Variants in PFKM observed in about 807,000 individuals in gnomAD.
PFKM encodes the protein ATP-dependent 6-phosphofructokinase, muscle type.
A neutral mutation model predicts 95.5 loss-of-function variants in PFKM; 58 were observed. That is an observed-to-expected ratio of 0.61 (90% CI 0.49 to 0.76). The LOEUF (loss-of-function observed/expected upper bound fraction) is 0.76, where lower values mean the gene tolerates loss of function less well. PFKM is among the 30% of genes least tolerant of loss of function. The pLI is 0.00. For missense variants in PFKM, 678 were observed against 1,005.4 expected, an observed-to-expected ratio of 0.67 and a Z score of 4.40; for synonymous variants, 336 against 357.2, an observed-to-expected ratio of 0.94 and a Z score of 0.67.
upstream of PFKM, among the ~76,000 whole-genome samples, chr12:48,116,954 T>C (rs1033029109): frequency 2.0e-5 from 3 of 152,238 alleles, no homozygotes; most frequent in East Asian, 1.9e-4. Flanking sequence ...ATGTATGTCA[T>C]GTATCTGTTA....
chr12:48,135,928 T>TCTGTTG lies in PFKM; in HGVS notation c.936+546_936+547insTGTTGC, dbSNP rs1555204170. 8.3e-3 allele frequency among the ~76,000 whole-genome samples: 1,259 copies of TCTGTTG among 151,448 alleles called. 13 individuals carry two copies. The highest frequency in any genetic ancestry group is 0.028 in the African/African-American group (1,141 of 41,342). The stretch of plus-strand genomic sequence containing the variant: ...TTTTGAGACGCACCATTGCACTCGC[T>TCTGTTG]CCCAGGCTGGAGTGCAATGGTGCGA... On this transcript the variant is annotated intron_variant, in intron 10 of 22. Transcript: ENST00000359794.
In PFKM at chr12:48,146,091, A is replaced by C. The variant is rs1243828468; in HGVS notation, c.*383A>C. On this transcript the variant is annotated 3_prime_UTR_variant, in exon 23 of 23. Transcript: ENST00000359794. ...AATTGTAACTACACTAATAAATGCC[A>C]ACTGGTCACTGTGCTTTTGCTTCTC... is the stretch of plus-strand genomic sequence containing the variant. 7.5e-6 allele frequency: 2 copies of C among 265,134 alleles called. No homozygotes were observed. The highest frequency in any genetic ancestry group is 4.4e-5 in the African/African-American group (2 of 44,946). 16.4% of individuals were successfully genotyped at this position (265,134 alleles called of 1,614,324 possible). A position where few individuals can be genotyped will look rare whatever the true frequency, so the allele number is the denominator to read the frequency against.
intron 2 of PFKM, among the ~76,000 whole-genome samples, chr12:48,124,111 A>C (rs899809130): frequency 6.6e-6 from 1 of 152,226 alleles, no homozygotes; most frequent in Non-Finnish European, 1.5e-5. Flanking sequence ...TGTTCTTATG[A>C]TACTTATTAG....
At chr12:48,136,692 C>CTTTTTTTTTTT (rs1166389532) in intron 10 of PFKM, among the ~76,000 whole-genome samples, 66 of 63,010 alleles carry the variant, frequency 1.0e-3, no homozygotes, top group Middle Eastern at 0.014. Flanking sequence ...GGGGTCGTCA[C>CTTTTTTTTTTT]TTTTTTTTTT....
chr12:48,106,431 C>T (rs1946618871), intron 1 of PFKM: 4 of 426,012 alleles, frequency 9.4e-6, no homozygotes, highest in Non-Finnish European at 1.7e-5. Context: ...CAGCTTTTCG[C>T]GGTGGCCCTA....
chr12:48,145,656 A>G lies in PFKM; in HGVS notation c.2291A>G (p.His764Arg). ...KYEIDLDTSD[H>R]AHLEHITRKR... is the part of the protein sequence containing the mutation. ...GAGATTGACTTGGACACTTCAGACCATGCCCACCTGGAGCACATCACCCGG... is the reference window on the plus strand; with the variant it reads ...GAGATTGACTTGGACACTTCAGACCGTGCCCACCTGGAGCACATCACCCGG... Residue 764 changes from histidine (H) to arginine (R), a missense_variant, in exon 23 of 23, where the codon CAT (histidine) becomes CGT (arginine). Transcript: ENST00000359794. The surrounding 1 kb of genome is among the most constrained non-coding windows in gnomAD (Gnocchi z 4.3). 1 of 1,614,188 alleles carries G rather than the reference A, an allele frequency of 6.2e-7. No homozygotes were observed. Among genetic ancestry groups the G allele is most frequent in the South Asian group, 1.1e-5 (1 of 91,082 alleles).
At chr12:48,139,993 A>G (rs1313257007) in intron 13 of PFKM, 81 bp downstream of exon 13, 5 of 928,056 alleles carry the variant, frequency 5.4e-6, no homozygotes, top group African/African-American at 1.6e-5. Context: ...CACAGTCCAT[A>G]CAACATAAGC....
chr12:48,105,947 C>T (rs924040372), exon 1 of PFKM: 1 of 691,800 alleles, frequency 1.4e-6, no homozygotes, highest in African/African-American at 1.8e-5. Context: ...CAGCCCGGGC[C>T]GGCTGACCGG....
intron 2 of PFKM, chr12:48,125,640 A>AAT (rs386362985): frequency 5.9e-6 from 1 of 168,256 alleles, no homozygotes; most frequent in East Asian, 1.9e-4. Context: ...AAAAAAAAAA[A>AAT]GATGGGAAGG....
In PFKM at chr12:48,129,210, C is replaced by CTTTTTTTTTTTTTTTTTTTTTT. The variant is rs778761447; in HGVS notation, c.86-1141_86-1120dup. 5.5e-4 allele frequency among the ~76,000 whole-genome samples: 12 copies of CTTTTTTTTTTTTTTTTTTTTTT among 21,980 alleles called. 2 individuals are homozygous for CTTTTTTTTTTTTTTTTTTTTTT. Among genetic ancestry groups the CTTTTTTTTTTTTTTTTTTTTTT allele is most frequent in the Non-Finnish European group, 1.0e-3 (12 of 11,450 alleles). The allele number at this position is 21,980 out of a possible 152,430, so 14.4% of individuals were successfully genotyped here. On this transcript the variant is annotated intron_variant, in intron 2 of 22. Transcript: ENST00000359794. Reference sequence around the variant, plus strand: ...GTTCTGTTTTGTTTTAATTTTCTTTCTTTTTTTTTTTTTTTTTTTTTTTTT... The same window carrying CTTTTTTTTTTTTTTTTTTTTTT: ...GTTCTGTTTTGTTTTAATTTTCTTTCTTTTTTTTTTTTTTTTTTTTTTTTTTTTTTTTTTTTTTTTTTTTTTT...
intron 12 of PFKM, 26 bp from the exon 13 acceptor site, chr12:48,139,823 C>G: frequency 6.6e-7 from 1 of 1,525,534 alleles, no homozygotes; most frequent in African/African-American, 1.4e-5. Flanking sequence ...CCTGAAGACA[C>G]CTCTCTCTAT....
chr12:48,145,394 T>G lies in PFKM; in HGVS notation c.2198+79T>G. On this transcript the variant is annotated intron_variant, in intron 22 of 22. Transcript: ENST00000359794. The surrounding 1 kb of genome is among the most constrained non-coding windows in gnomAD (Gnocchi z 4.3). ...ACTGTCCTCAACCTGTTCACTGTCT[T>G]TAATTCTTTTTTTTTTTTAAGGAGT... 3 of 1,375,050 alleles carry G rather than the reference T, an allele frequency of 2.2e-6. No individual in the cohort carries two copies. Among genetic ancestry groups the G allele is most frequent in the South Asian group, 1.2e-5 (1 of 84,536 alleles). The allele number at this position is 1,375,050 out of a possible 1,614,324, so 85.2% of individuals were successfully genotyped here. A position where few individuals can be genotyped will look rare whatever the true frequency, so the allele number is the denominator to read the frequency against.
intron 5 of PFKM, 73 bp from the exon 6 acceptor site, chr12:48,133,242 C>A: frequency 1.4e-6 from 2 of 1,396,492 alleles, no homozygotes; most frequent in Non-Finnish European, 2.0e-6. Context: ...GAGTTTCTCT[C>A]TCTCTAGATA....
chr12:48,108,791 G>A (rs17122666), intron 3 of PFKM, among the ~76,000 whole-genome samples: 25,212 of 152,126 alleles, frequency 0.17, 2,424 homozygotes, highest in East Asian at 0.24. Context: ...CCCGCTATTT[G>A]CCCAATAATA....
chr12:48,142,368 G>A, intron 17 of PFKM: 3 of 445,010 alleles, frequency 6.7e-6, no homozygotes, highest in Non-Finnish European at 1.2e-5. Context: ...AGCTACTTGG[G>A]AGGCTGAGGC....
chr12:48,114,488 G>A (rs901563318), upstream of PFKM, among the ~76,000 whole-genome samples: 14 of 152,296 alleles, frequency 9.2e-5, no homozygotes, highest in African/African-American at 3.4e-4. Flanking sequence ...AAGGGTTATA[G>A]GGTTGGGGAG....
At chr12:48,123,225 C>T (rs1208985069) in intron 2 of PFKM, among the ~76,000 whole-genome samples, 3 of 152,186 alleles carry the variant, frequency 2.0e-5, no homozygotes, top group South Asian at 4.1e-4. Context: ...TGGGAGGAGA[C>T]CCAGAATTAG....
intron 17 of PFKM, chr12:48,142,484 C>G: frequency 2.2e-6 from 1 of 461,070 alleles, no homozygotes. Flanking sequence ...CCTAGAAATG[C>G]ACCAGTACCC....
intron 3 of PFKM, among the ~76,000 whole-genome samples, chr12:48,111,241 T>G (rs1179781085): frequency 6.6e-6 from 1 of 152,192 alleles, no homozygotes. Context: ...TGTCACAGCT[T>G]CTCCCTGGAA....
Sources: gnomAD v4.1 joint callset for allele counts (sites outside exome capture counted in the v4.1 genomes callset) on GRCh38, gnomAD v4.1.1 for gene constraint, Gnocchi (gnomAD v3.1) non-coding constraint, MANE v1.5 for transcripts, NCBI Gene and HGNC (gene_info 2026-07-23, HGNC 2026-07-21) for gene names.